ELF2: variants seen among roughly 807,000 people sequenced by gnomAD.
ELF2 encodes ETS-related transcription factor Elf-2.
In ELF2, 11 loss-of-function variants were observed where a neutral mutation model predicts 54.8. The observed-to-expected ratio is 0.20, with a 90% CI of 0.13 to 0.33. The LOEUF (loss-of-function observed/expected upper bound fraction) is 0.33, where lower values mean the gene tolerates loss of function less well. Ranked by LOEUF, ELF2 falls within the 10% of genes least tolerant of loss-of-function variation. The probability of loss-of-function intolerance (pLI) is 1.00; values close to 1 mark genes in which losing one functional copy is unlikely to be tolerated. For missense variants in ELF2, 513 were observed against 703.0 expected (o/e 0.73, Z 3.06); for synonymous variants, 203 against 245.1 (o/e 0.83, Z 1.61).
chr4:139,061,969 T>G lies in ELF2; in HGVS notation c.702A>C (p.Glu234Asp), dbSNP rs1727919501. ...CPRYIKWTQR[E>D]KGIFKLVDSK... ...AATCCACCAGCTTGAATATGCCTTT[T>G]TCTCTCTGAGTCCATTTAATATACC... is the stretch of plus-strand genomic sequence containing the variant. The change falls in exon 8 of 10, where the codon GAA (glutamate) becomes GAC (aspartate). Residue 234 changes from glutamate (E) to aspartate (D), a missense_variant. This residue lies in a region of ELF2 where 19 missense variants were observed against 91.0 expected (regional missense o/e 0.21). Coordinates refer to ENST00000686138, the MANE Select transcript of ELF2 (RefSeq NM_001331036.3). 1 of 1,613,876 alleles carries G rather than the reference T, an allele frequency of 6.2e-7. No individual in the cohort carries two copies. The highest frequency in any genetic ancestry group is 1.7e-5 in the Admixed American group (1 of 59,998).
chr4:139,066,471 G>A (rs1479942493), intron 7 of ELF2: 1 of 151,646 alleles, frequency 6.6e-6, no homozygotes, highest in Non-Finnish European at 1.5e-5. Context: ...AAAAAAAAAA[G>A]ATAATAAAAA....
chr4:139,174,483 T>C (rs996023472), intron 1 of ELF2, among the ~76,000 whole-genome samples: 5 of 152,094 alleles, frequency 3.3e-5, no homozygotes, highest in Admixed American at 6.6e-5. Context: ...GGGGGATGAT[T>C]AAAATGCTGT....
At chr4:139,083,329 G>A (rs1731437925) in intron 4 of ELF2, among the ~76,000 whole-genome samples, 1 of 152,118 alleles carries the variant, frequency 6.6e-6, no homozygotes, top group Non-Finnish European at 1.5e-5. Flanking sequence ...CAGGTCAGGG[G>A]TACAAATATA....
chr4:139,151,365 A>G (rs1309197996), intron 1 of ELF2, among the ~76,000 whole-genome samples: 1 of 152,192 alleles, frequency 6.6e-6, no homozygotes, highest in Non-Finnish European at 1.5e-5. Flanking sequence ...TGTTTGGTTT[A>G]TAACAACATA....
At chr4:139,072,796 A>C (rs1458458760) in intron 5 of ELF2, among the ~76,000 whole-genome samples, 1 of 152,224 alleles carries the variant, frequency 6.6e-6, no homozygotes, top group Non-Finnish European at 1.5e-5. Context: ...ATTTATTCTC[A>C]TATCTCTGAG....
At chr4:139,121,246 C>G (rs1278613595) in intron 4 of ELF2, among the ~76,000 whole-genome samples, 2 of 150,558 alleles carry the variant, frequency 1.3e-5, no homozygotes. Context: ...GTAGCTGGGA[C>G]TACAGGCGCC....
chr4:139,151,031 A>AAG lies in ELF2; in HGVS notation c.-251-11535_-251-11534insCT, dbSNP rs759953394. Among the ~76,000 whole-genome samples the AAG allele has an allele frequency of 2.1e-3, 245 of 118,416 alleles. 11 individuals are homozygous for AAG. Among genetic ancestry groups the AAG allele is most frequent in the African/African-American group, 7.9e-3 (235 of 29,622 alleles). 77.7% of individuals were successfully genotyped at this position (118,416 alleles called of 152,430 possible). ...GGAACGAGGCTCCATCTCAAAAAAA[A>AAG]AAAAGAAAGAAAGAAAGAAAGAAAG... is the stretch of plus-strand genomic sequence containing the variant. On this transcript the variant is annotated intron_variant, in intron 1 of 9. Coordinates refer to ENST00000686138, the MANE Select transcript of ELF2 (RefSeq NM_001331036.3).
intron 1 of ELF2, among the ~76,000 whole-genome samples, chr4:139,152,082 C>A (rs1233888817): frequency 6.6e-6 from 1 of 152,056 alleles, no homozygotes; most frequent in Admixed American, 6.5e-5. Context: ...GATTTAATCT[C>A]AAAAGGGTAC....
chr4:139,115,342 C>T lies in ELF2; in HGVS notation c.238+9822G>A, dbSNP rs556227875. On this transcript the variant is annotated intron_variant, in intron 4 of 9. Transcript: ENST00000686138. Reference sequence around the variant, plus strand: ...CCGGCCCGGGGGCCGGGGTCGCCAACGCCGCGCCCCCCGCGGTGCCGCTGT... The same window carrying T: ...CCGGCCCGGGGGCCGGGGTCGCCAATGCCGCGCCCCCCGCGGTGCCGCTGT... 2,720 of 1,356,584 alleles carry T rather than the reference C, an allele frequency of 2.0e-3. 40 individuals are homozygous for T. The African/African-American group carries it at 0.038, about 19-fold the overall frequency. The allele number at this position is 1,356,584 out of a possible 1,614,324, so 84.0% of individuals were successfully genotyped here. A position where few individuals can be genotyped will look rare whatever the true frequency, so the allele number is the denominator to read the frequency against.
intron 4 of ELF2, among the ~76,000 whole-genome samples, chr4:139,075,821 A>G (rs941953905): frequency 1.3e-5 from 2 of 152,242 alleles, no homozygotes; most frequent in African/African-American, 2.4e-5. Context: ...TTAATAATAT[A>G]TTAATTTCAC....
intron 4 of ELF2, among the ~76,000 whole-genome samples, chr4:139,081,595 TTC>T (rs1396059252): frequency 2.0e-5 from 3 of 152,188 alleles, no homozygotes; most frequent in South Asian, 2.1e-4. Context: ...TGAGGAAGAA[TTC>T]TCTGTCACAC....
intron 1 of ELF2, among the ~76,000 whole-genome samples, chr4:139,151,524 T>C (rs1739998044): frequency 6.6e-6 from 1 of 152,114 alleles, no homozygotes; most frequent in Non-Finnish European, 1.5e-5. Flanking sequence ...CATGGGTAAA[T>C]CTGATGCGAG....
chr4:139,115,893 G>A (rs1183337804), intron 4 of ELF2, among the ~76,000 whole-genome samples: 2 of 152,182 alleles, frequency 1.3e-5, no homozygotes, highest in Admixed American at 1.3e-4. Flanking sequence ...CCAGGCTGGA[G>A]TGCAGTGGCG....
In ELF2 at chr4:139,116,664, T is replaced by G. The variant is rs1411847172; in HGVS notation, c.238+8500A>C. The G allele has an allele frequency of 5.1e-6, 5 of 985,302 alleles. No individual in the cohort carries two copies. In the East Asian group the frequency reaches 5.7e-4, roughly 112 times the overall value. The allele number at this position is 985,302 out of a possible 1,614,324, so 61.0% of individuals were successfully genotyped here. ...ACCAACCTACCAGCATTGTCTTCCT[T>G]CTGGCTCAATCTGTTTCACCTTCAG... On this transcript the variant is annotated intron_variant, in intron 4 of 9. Coordinates refer to ENST00000686138, the MANE Select transcript of ELF2 (RefSeq NM_001331036.3).
At chr4:139,175,336 G>A (rs776422748) in intron 1 of ELF2, among the ~76,000 whole-genome samples, 37 of 152,150 alleles carry the variant, frequency 2.4e-4, no homozygotes, top group Non-Finnish European at 4.4e-4. Flanking sequence ...TAAATCCAAT[G>A]AGTTAAATCA....
chr4:139,176,618 C>T (rs1742956750), intron 1 of ELF2, among the ~76,000 whole-genome samples: 3 of 152,146 alleles, frequency 2.0e-5, no homozygotes, highest in Admixed American at 2.0e-4. Flanking sequence ...GAGATGTAAA[C>T]ACGGAGAGAC....
chr4:139,115,396 C>A, intron 4 of ELF2: 2 of 1,008,832 alleles, frequency 2.0e-6, no homozygotes, highest in East Asian at 9.6e-5. Flanking sequence ...GGGCCACGTG[C>A]GCGCATCGGG....
At chr4:139,135,247 G>A (rs1738018744) in intron 3 of ELF2, among the ~76,000 whole-genome samples, 1 of 131,420 alleles carries the variant, frequency 7.6e-6, no homozygotes, top group African/African-American at 3.2e-5. Flanking sequence ...ATGTGTGTGT[G>A]TGTGTGTGTG....
intron 1 of ELF2, among the ~76,000 whole-genome samples, chr4:139,169,922 G>A (rs111823937): frequency 0.047 from 7,050 of 150,528 alleles, 212 homozygotes; most frequent in Non-Finnish European, 0.069. Context: ...AGTTTACTAC[G>A]GTATGCATAT....
Sources: gnomAD v4.1 joint callset for allele counts (sites outside exome capture counted in the v4.1 genomes callset) on GRCh38, gnomAD v4.1.1 for gene constraint, gnomAD v4.1.1 regional missense constraint, MANE v1.5 for transcripts, NCBI Gene and HGNC (gene_info 2026-07-23, HGNC 2026-07-21) for gene names.